Variants in ROR1 observed in about 807,000 individuals in gnomAD.
ROR1 encodes the protein inactive tyrosine-protein kinase transmembrane receptor ROR1.
ROR1 carries 19 observed loss-of-function variants against 78.8 expected under a neutral mutation model. That is an observed-to-expected ratio of 0.24 (90% CI 0.17 to 0.35). ROR1 has a LOEUF of 0.35. Among genes scored for constraint, ROR1 ranks in the 10% least tolerant of loss-of-function variants. The pLI, the probability that ROR1 is intolerant of heterozygous loss-of-function variation, is 1.00. For synonymous variants in ROR1, 386 were observed against 433.6 expected, an observed-to-expected ratio of 0.89 and a Z score of 1.36; for missense variants, 917 against 1,177.8, an observed-to-expected ratio of 0.78 and a Z score of 3.24.
intron 1 of ROR1, among the ~76,000 whole-genome samples, chr1:63,839,559 T>C (rs1645037706): frequency 6.6e-6 from 1 of 152,162 alleles, no homozygotes; most frequent in Non-Finnish European, 1.5e-5. Context: ...AAATAATATA[T>C]GTACCAAAGA....
intron 1 of ROR1, among the ~76,000 whole-genome samples, chr1:63,930,908 A>C (rs1184592450): frequency 2.6e-5 from 4 of 152,222 alleles, no homozygotes; most frequent in Non-Finnish European, 5.9e-5. Context: ...TTAACTATCC[A>C]TCCTCAGAGT....
chr1:63,834,257 G>A (rs1645006807), intron 1 of ROR1, among the ~76,000 whole-genome samples: 1 of 151,904 alleles, frequency 6.6e-6, no homozygotes, highest in Non-Finnish European at 1.5e-5. Flanking sequence ...GTTACTCTGA[G>A]CCTGCAAACT....
chr1:63,828,223 C>T (rs1167575483), intron 1 of ROR1, among the ~76,000 whole-genome samples: 3 of 152,006 alleles, frequency 2.0e-5, no homozygotes, highest in African/African-American at 7.2e-5. Flanking sequence ...AGCGGTTTTT[C>T]TAAAGTAGAA....
chr1:63,779,068 C>T (rs893944491), intron 1 of ROR1, among the ~76,000 whole-genome samples: 2 of 152,318 alleles, frequency 1.3e-5, no homozygotes, highest in Admixed American at 6.5e-5. Flanking sequence ...TTCCCTAAGA[C>T]GGTCTTGCTG....
chr1:64,019,314 A>C (rs1225612254), intron 2 of ROR1, among the ~76,000 whole-genome samples: 1 of 152,218 alleles, frequency 6.6e-6, no homozygotes, highest in African/African-American at 2.4e-5. Flanking sequence ...GCTTGGAGTG[A>C]GAAGTCCTTG....
At chr1:64,165,871 A>C (rs1216922819) in intron 8 of ROR1, among the ~76,000 whole-genome samples, 1 of 151,390 alleles carries the variant, frequency 6.6e-6, no homozygotes. Flanking sequence ...CACGTGGCTA[A>C]TTTTTGTCTT....
chr1:64,083,536 T>TGTGTGTGTGTGTGTGTGTC (rs139973518), intron 4 of ROR1, among the ~76,000 whole-genome samples: 1 of 150,726 alleles, frequency 6.6e-6, no homozygotes. Context: ...AGTGTGTGTG[T>TGTGTGTGTGTGTGTGTGTC]TTTAGGAACA....
At chr1:63,953,187 G>T (rs1415774184) in intron 1 of ROR1, among the ~76,000 whole-genome samples, 1 of 152,150 alleles carries the variant, frequency 6.6e-6, no homozygotes. Flanking sequence ...ATATTCCTGT[G>T]TTCACACTCT....
At chr1:63,930,260 A>G (rs1046971933) in intron 1 of ROR1, among the ~76,000 whole-genome samples, 10 of 152,158 alleles carry the variant, frequency 6.6e-5, no homozygotes, top group Admixed American at 3.9e-4. Flanking sequence ...GACTAAAGTC[A>G]TTATCTGTTC....
chr1:64,161,702 T>C (rs1489666348), intron 8 of ROR1, among the ~76,000 whole-genome samples: 1 of 152,234 alleles, frequency 6.6e-6, no homozygotes, highest in African/African-American at 2.4e-5. Context: ...TCAAGATTTG[T>C]CCACTATGAG....
chr1:64,077,999 A>G (rs1647066768), intron 4 of ROR1, among the ~76,000 whole-genome samples: 1 of 152,208 alleles, frequency 6.6e-6, no homozygotes. Flanking sequence ...TGTACTGGCA[A>G]ATAAACTGTC....
At chr1:64,139,467 G>A (rs1649231284) in intron 5 of ROR1, among the ~76,000 whole-genome samples, 4 of 152,146 alleles carry the variant, frequency 2.6e-5, no homozygotes, top group Admixed American at 2.6e-4. Flanking sequence ...TTCAAAGGTA[G>A]GCTGGTGCGC....
At chr1:64,161,997 C>T (rs1321703710) in intron 8 of ROR1, among the ~76,000 whole-genome samples, 2 of 152,066 alleles carry the variant, frequency 1.3e-5, no homozygotes, top group Non-Finnish European at 2.9e-5. Context: ...GTCACTGACA[C>T]ATAAATATTA....
At chr1:63,939,717 G>A (rs1645821086) in intron 1 of ROR1, among the ~76,000 whole-genome samples, 1 of 152,096 alleles carries the variant, frequency 6.6e-6, no homozygotes, top group Admixed American at 6.6e-5. Context: ...TACCATGGAG[G>A]GGTGTTACAA....
intron 1 of ROR1, among the ~76,000 whole-genome samples, chr1:63,962,378 A>G (rs1009905774): frequency 6.6e-6 from 1 of 152,280 alleles, no homozygotes; most frequent in Non-Finnish European, 1.5e-5. Flanking sequence ...GAATGTTATT[A>G]CAATGTGCCA....
intron 4 of ROR1, among the ~76,000 whole-genome samples, chr1:64,090,140 A>T (rs1243146489): frequency 2.0e-5 from 3 of 152,150 alleles, no homozygotes; most frequent in Admixed American, 6.5e-5. Flanking sequence ...TATTAGCAGC[A>T]TGAGAACAGA....
intron 2 of ROR1, among the ~76,000 whole-genome samples, chr1:64,037,581 C>A (rs547218670): frequency 2.6e-5 from 4 of 152,164 alleles, no homozygotes; most frequent in African/African-American, 9.6e-5. Flanking sequence ...TGAAAAGATG[C>A]CTTGGGGTTC....
At chr1:63,790,891 C>G (rs934311115) in intron 1 of ROR1, among the ~76,000 whole-genome samples, 2 of 152,194 alleles carry the variant, frequency 1.3e-5, no homozygotes, top group Non-Finnish European at 2.9e-5. Context: ...CATCTGGATG[C>G]AAAGATGGCC....
At chr1:63,869,633 G>A (rs1333577354) in intron 1 of ROR1, among the ~76,000 whole-genome samples, 1 of 152,202 alleles carries the variant, frequency 6.6e-6, no homozygotes, top group East Asian at 1.9e-4. Context: ...TTAGCTTTGT[G>A]GTGCTGGGTT....
Sources: allele counts gnomAD v4.1 joint callset (sites outside exome capture counted in the v4.1 genomes callset), GRCh38; gene constraint gnomAD v4.1.1; transcripts MANE v1.5; gene names NCBI Gene and HGNC (gene_info 2026-07-23, HGNC 2026-07-21).